The following HS6ST3 variants were observed in gnomAD, a reference collection of about 807,000 sequenced individuals.
HS6ST3 encodes the protein heparan sulfate 6-O-sulfotransferase 3, also known as heparan-sulfate 6-O-sulfotransferase 3.
HS6ST3 carries 12 observed loss-of-function variants against 36.7 expected under a neutral mutation model. That is an observed-to-expected ratio of 0.33 (90% CI 0.21 to 0.53). HS6ST3 has a LOEUF of 0.53. Ranked by LOEUF, HS6ST3 falls within the 20% of genes least tolerant of loss-of-function variation. The pLI is 0.95. For synonymous variants in HS6ST3, 240 were observed against 257.5 expected (o/e 0.93, Z 0.65); for missense variants, 584 against 640.9 (o/e 0.91, Z 0.96).
At chr13:96,708,596 G>T (rs1278826450) in intron 1 of HS6ST3, among the ~76,000 whole-genome samples, 1 of 152,090 alleles carries the variant, frequency 6.6e-6, no homozygotes, top group Non-Finnish European at 1.5e-5. Context: ...TATTGGCCAG[G>T]CATATACACA....
intron 1 of HS6ST3, among the ~76,000 whole-genome samples, chr13:96,600,265 T>C (rs530396750): frequency 1.3e-5 from 2 of 151,836 alleles, no homozygotes; most frequent in Non-Finnish European, 2.9e-5. Context: ...TATTATTGTG[T>C]TGCTATCTCT....
chr13:96,514,428 T>C (rs2056063713), intron 1 of HS6ST3, among the ~76,000 whole-genome samples: 1 of 152,158 alleles, frequency 6.6e-6, no homozygotes, highest in South Asian at 2.1e-4. Flanking sequence ...CTGAATTGTG[T>C]CCCCACTCCC....
chr13:96,720,787 A>C (rs1260204090), intron 1 of HS6ST3, among the ~76,000 whole-genome samples: 1 of 152,192 alleles, frequency 6.6e-6, no homozygotes, highest in Non-Finnish European at 1.5e-5. Context: ...CTGGCTCCTA[A>C]GATGATGACA....
chr13:96,729,260 A>G (rs985340895), intron 1 of HS6ST3, among the ~76,000 whole-genome samples: 2 of 152,056 alleles, frequency 1.3e-5, no homozygotes, highest in Non-Finnish European at 2.9e-5. Flanking sequence ...TAAGCACAGA[A>G]CCTTCACAGA....
intron 1 of HS6ST3, among the ~76,000 whole-genome samples, chr13:96,459,525 T>C (rs1308953180): frequency 2.0e-5 from 3 of 152,174 alleles, no homozygotes; most frequent in Non-Finnish European, 4.4e-5. Context: ...GGTCAGTTAA[T>C]ATTTCTGCTA....
intron 1 of HS6ST3, among the ~76,000 whole-genome samples, chr13:96,694,511 T>C (rs1875067410): frequency 6.6e-6 from 1 of 152,188 alleles, no homozygotes; most frequent in Admixed American, 6.5e-5. Flanking sequence ...TTGATTTATA[T>C]ATTTATATAG....
chr13:96,658,257 C>CT (rs1555316967), intron 1 of HS6ST3, among the ~76,000 whole-genome samples: 2 of 103,458 alleles, frequency 1.9e-5, no homozygotes, highest in Non-Finnish European at 3.8e-5. Flanking sequence ...TCTTCTTCTT[C>CT]TCTTCTTCTT....
At chr13:96,280,891 A>G (rs1005956430) in intron 1 of HS6ST3, among the ~76,000 whole-genome samples, 4 of 152,202 alleles carry the variant, frequency 2.6e-5, no homozygotes, top group Admixed American at 2.0e-4. Context: ...ATTTCAATGT[A>G]AGATTCAAGT....
intron 1 of HS6ST3, among the ~76,000 whole-genome samples, chr13:96,302,741 C>T (rs915642481): frequency 1.4e-4 from 22 of 151,926 alleles, no homozygotes; most frequent in Non-Finnish European, 2.5e-4. Context: ...TAATAATATA[C>T]GTATAATATA....
intron 1 of HS6ST3, among the ~76,000 whole-genome samples, chr13:96,728,890 T>G (rs1414741548): frequency 1.3e-5 from 2 of 152,174 alleles, no homozygotes; most frequent in Non-Finnish European, 2.9e-5. Context: ...CCTCCTTCAT[T>G]CAGTGTAGGT....
At chr13:96,473,058 A>G (rs2055846988) in intron 1 of HS6ST3, among the ~76,000 whole-genome samples, 1 of 152,132 alleles carries the variant, frequency 6.6e-6, no homozygotes, top group Non-Finnish European at 1.5e-5. Flanking sequence ...TCACTTTCCA[A>G]AGCCAAATGC....
At chr13:96,393,522 T>C (rs1415666893) in intron 1 of HS6ST3, among the ~76,000 whole-genome samples, 2 of 152,240 alleles carry the variant, frequency 1.3e-5, no homozygotes, top group African/African-American at 4.8e-5. Context: ...ATAATGCCTA[T>C]AGACAGGCAT....
At chr13:96,750,391 C>T (rs1876671128) in intron 1 of HS6ST3, among the ~76,000 whole-genome samples, 1 of 152,206 alleles carries the variant, frequency 6.6e-6, no homozygotes, top group African/African-American at 2.4e-5. Context: ...CCAGACCACT[C>T]CTTCCTCACT....
chr13:96,159,055 A>G (rs1234766492), intron 1 of HS6ST3, among the ~76,000 whole-genome samples: 1 of 152,192 alleles, frequency 6.6e-6, no homozygotes, highest in East Asian at 1.9e-4. Flanking sequence ...CCCCCTGAAT[A>G]TGTTTGTGTG....
chr13:96,456,303 CT>C (rs2055754385), intron 1 of HS6ST3, among the ~76,000 whole-genome samples: 1 of 152,072 alleles, frequency 6.6e-6, no homozygotes, highest in African/African-American at 2.4e-5. Flanking sequence ...ATCATTTCTG[CT>C]GTGTAAAACT....
chr13:96,361,970 C>T (rs1369614983), intron 1 of HS6ST3, among the ~76,000 whole-genome samples: 1 of 152,172 alleles, frequency 6.6e-6, no homozygotes, highest in African/African-American at 2.4e-5. Context: ...GCAAATCAAT[C>T]AGAAACTCTG....
chr13:96,382,502 G>A (rs1203927490), intron 1 of HS6ST3, among the ~76,000 whole-genome samples: 1 of 152,114 alleles, frequency 6.6e-6, no homozygotes, highest in African/African-American at 2.4e-5. Context: ...CATAAGTCAA[G>A]GTCATGCTTT....
intron 1 of HS6ST3, among the ~76,000 whole-genome samples, chr13:96,401,290 C>T (rs780624460): frequency 6.6e-6 from 1 of 151,890 alleles, no homozygotes. Context: ...TGTGTCCAGC[C>T]CTCTACACCC....
chr13:96,596,908 A>G (rs1211572557), intron 1 of HS6ST3, among the ~76,000 whole-genome samples: 4 of 152,190 alleles, frequency 2.6e-5, no homozygotes, highest in African/African-American at 7.2e-5. Context: ...CACTATTTAT[A>G]ATAGCAAAGA....
Sources: allele counts gnomAD v4.1 joint callset (sites outside exome capture counted in the v4.1 genomes callset), GRCh38; gene constraint gnomAD v4.1.1; transcripts MANE v1.5; gene names NCBI Gene and HGNC (gene_info 2026-07-23, HGNC 2026-07-21).